ITGA11: variants seen among roughly 807,000 people sequenced by gnomAD.
ITGA11 encodes integrin alpha-11.
Under a neutral mutation model 141.9 loss-of-function variants are expected in ITGA11, and 97 were observed. The ratio of observed to expected loss-of-function variants is 0.68; its 90% confidence interval spans 0.58 to 0.81. The LOEUF (loss-of-function observed/expected upper bound fraction) is 0.81, where lower values mean the gene tolerates loss of function less well. Ranked by LOEUF, ITGA11 falls within the 30% of genes least tolerant of loss-of-function variation. The pLI, the probability that ITGA11 is intolerant of heterozygous loss-of-function variation, is 0.00. For missense variants in ITGA11, 1,387 were observed against 1,559.2 expected (o/e 0.89, Z 1.86); for synonymous variants, 658 against 624.6 (o/e 1.05, Z -0.80).
At chr15:68,427,364 T>A (rs368853524) in intron 1 of ITGA11, among the ~76,000 whole-genome samples, 3 of 152,292 alleles carry the variant, frequency 2.0e-5, no homozygotes, top group East Asian at 1.9e-4. Context: ...ATGAAGTTGT[T>A]ATTTTGCCCA....
At position 68,321,360 on chromosome 15, in the gene ITGA11, A is replaced by T; in HGVS notation, c.2408+58T>A. 1 of 1,113,354 alleles carries T rather than the reference A, an allele frequency of 9.0e-7. No individual in the cohort carries two copies. The highest frequency in any genetic ancestry group is 1.3e-6 in the Non-Finnish European group (1 of 785,494). 69.0% of individuals were successfully genotyped at this position (1,113,354 alleles called of 1,614,324 possible). On this transcript the variant is annotated intron_variant, in intron 19 of 29. Transcript: ENST00000315757. This position sits in a 1 kb window ranked among gnomAD's most constrained non-coding sequence, Gnocchi z 4.9. ...AATAATCCAGGGCCCCAGGAGCCCC[A>T]GAGCCTCTGGCAGTGAAGGGGAAGG...
At chr15:68,389,601 C>G (rs1056178290) in intron 2 of ITGA11, among the ~76,000 whole-genome samples, 1 of 152,246 alleles carries the variant, frequency 6.6e-6, no homozygotes, top group Non-Finnish European at 1.5e-5. Context: ...GGGGACAAAT[C>G]TACTTCCCCT....
intron 10 of ITGA11, among the ~76,000 whole-genome samples, chr15:68,341,375 A>G (rs967381632): frequency 1.3e-5 from 2 of 152,148 alleles, no homozygotes; most frequent in African/African-American, 4.8e-5. Context: ...GTACTTTCTC[A>G]TCTGGCTGCC....
In ITGA11 at chr15:68,302,974, A is replaced by T; in HGVS notation, c.*85T>A. ...AGCCAGCTGGCTTCCTCTCCGCTCC[A>T]GCTCGGTGGGGCCACAGGCCTGGGT... On this transcript the variant is annotated 3_prime_UTR_variant, in exon 30 of 30. Transcript: ENST00000315757. The T allele has an allele frequency of 8.7e-7, 1 of 1,154,618 alleles. No homozygotes were observed. Among genetic ancestry groups the T allele is most frequent in the Middle Eastern group, 2.8e-4 (1 of 3,512 alleles). The allele number at this position is 1,154,618 out of a possible 1,614,324, so 71.5% of individuals were successfully genotyped here.
At chr15:68,345,726 G>C (rs1364683559) in intron 10 of ITGA11, among the ~76,000 whole-genome samples, 2 of 152,184 alleles carry the variant, frequency 1.3e-5, no homozygotes, top group Non-Finnish European at 2.9e-5. Context: ...GCTTGCCTGG[G>C]AGACAGACAT....
At position 68,312,758 on chromosome 15, in the gene ITGA11, C is replaced by T; in HGVS notation, c.2973+15G>A. The T allele has an allele frequency of 6.3e-7, 1 of 1,596,150 alleles. No homozygotes were observed. The highest frequency in any genetic ancestry group is 8.6e-7 in the Non-Finnish European group (1 of 1,164,860). On this transcript the variant is annotated intron_variant, in intron 24 of 29. Transcript: ENST00000315757. ...CCCGTCCTTCCCCCTCTACCCGGCT[C>T]CCCTCCAGCCTCACCCTGAAGATGC...
intron 3 of ITGA11, among the ~76,000 whole-genome samples, chr15:68,367,968 CT>C (rs1389143651): frequency 6.6e-6 from 1 of 152,238 alleles, no homozygotes; most frequent in Admixed American, 6.5e-5. Flanking sequence ...AGACGATTTC[CT>C]CACTGAAGTT....
rs1237215675 is a variant in ITGA11 at position 68,322,935 on chromosome 15, C to T, written c.2323-1432G>A. On this transcript the variant is annotated intron_variant, in intron 18 of 29. Coordinates refer to ENST00000315757, the MANE Select transcript of ITGA11 (RefSeq NM_001004439.2). The surrounding 1 kb of genome is among the most constrained non-coding windows in gnomAD (Gnocchi z 5.6). ...TGTTGAGTTTGAAGTGCCTGTGGCC[C>T]ACCCAGGGCGAGGACCTCAGCAGGC... Among the ~76,000 whole-genome samples the T allele has an allele frequency of 6.6e-6, 1 of 151,950 alleles. No homozygotes were observed. Among genetic ancestry groups the T allele is most frequent in the Non-Finnish European group, 1.5e-5 (1 of 68,004 alleles).
rs562165843 is a variant in ITGA11 at position 68,403,692 on chromosome 15, T to G, written c.53-663A>C. Among the ~76,000 whole-genome samples the G allele has an allele frequency of 2.0e-5, 3 of 152,170 alleles. No homozygotes were observed. The East Asian group carries it at 5.8e-4, about 29-fold the overall frequency. ...CTCTGTGGCCCAGGCTGGAGCACAG[T>G]GGCTCGGTCTTGGCTCACTGCAACT... On this transcript the variant is annotated intron_variant, in intron 1 of 29. Coordinates refer to ENST00000315757, the MANE Select transcript of ITGA11 (RefSeq NM_001004439.2).
intron 1 of ITGA11, among the ~76,000 whole-genome samples, chr15:68,420,803 T>C (rs979906117): frequency 6.6e-6 from 1 of 152,208 alleles, no homozygotes; most frequent in African/African-American, 2.4e-5. Context: ...CAGGATTACA[T>C]TCCATCGGAG....
At chr15:68,366,835 T>C (rs1895436572) in intron 3 of ITGA11, among the ~76,000 whole-genome samples, 1 of 152,178 alleles carries the variant, frequency 6.6e-6, no homozygotes, top group Non-Finnish European at 1.5e-5. Context: ...ACCCTGACTT[T>C]ATCCAGGTGT....
chr15:68,358,378 C>A (rs781354990), intron 6 of ITGA11, 80 bp downstream of exon 6: 13 of 1,439,942 alleles, frequency 9.0e-6, no homozygotes, highest in African/African-American at 1.4e-5. Context: ...ATGCAAAGAT[C>A]TCTCTTAGAC....
chr15:68,370,533 C>T (rs1007785764), intron 2 of ITGA11, among the ~76,000 whole-genome samples: 5 of 152,212 alleles, frequency 3.3e-5, no homozygotes, highest in African/African-American at 9.6e-5. Context: ...GTCTGTGGCA[C>T]GTGACTCTGG....
At chr15:68,366,090 A>T (rs2140356232) in intron 3 of ITGA11, among the ~76,000 whole-genome samples, 1 of 152,290 alleles carries the variant, frequency 6.6e-6, no homozygotes, top group South Asian at 2.1e-4. Context: ...GTTTGAAGCA[A>T]GGCTCCTTTT....
chr15:68,351,487 G>A, intron 7 of ITGA11, 85 bp from the exon 8 acceptor site: 1 of 1,484,866 alleles, frequency 6.7e-7, no homozygotes, highest in Non-Finnish European at 9.1e-7. Context: ...GGCAGCCACA[G>A]AAACCAGGAC....
At chr15:68,357,342 G>A in intron 6 of ITGA11, 43 bp from the exon 7 acceptor site, 1 of 1,579,626 alleles carries the variant, frequency 6.3e-7, no homozygotes, top group Non-Finnish European at 8.6e-7. Context: ...TTGACCCCAT[G>A]AACCCATGAA....
At chr15:68,357,404 C>T in intron 6 of ITGA11, 105 bp from the exon 7 acceptor site, 1 of 1,396,794 alleles carries the variant, frequency 7.2e-7, no homozygotes. Context: ...TGTGATAATA[C>T]AGGAGGGAGG....
chr15:68,377,133 C>T (rs892994484), intron 2 of ITGA11, among the ~76,000 whole-genome samples: 2 of 152,090 alleles, frequency 1.3e-5, no homozygotes, highest in African/African-American at 4.8e-5. Context: ...TTCTTTCGGT[C>T]ATAAGAAAAT....
Position 68,382,029 on chromosome 15 carries a change from G to A in ITGA11, c.165-12745C>T, listed in dbSNP as rs142401999. On this transcript the variant is annotated intron_variant, in intron 2 of 29. Transcript: ENST00000315757. ...GAAGCCGGCCTTGGGTTGCATTAGG[G>A]AATCATTGTTTACATGGACTGCTTC... Among the ~76,000 whole-genome samples the A allele has an allele frequency of 2.3e-3, 344 of 152,312 alleles. 7 individuals carry two copies. Among genetic ancestry groups the A allele is most frequent in the African/African-American group, 7.9e-3 (329 of 41,572 alleles).
Sources: allele counts gnomAD v4.1 joint callset (sites outside exome capture counted in the v4.1 genomes callset), GRCh38; gene constraint gnomAD v4.1.1; non-coding constraint Gnocchi (gnomAD v3.1); transcripts MANE v1.5; gene names NCBI Gene and HGNC (gene_info 2026-07-23, HGNC 2026-07-21).